The following TEAD1 variants were observed in gnomAD, a reference collection of about 807,000 sequenced individuals.
TEAD1 encodes transcriptional enhancer factor TEF-1.
TEAD1 carries 9 observed loss-of-function variants against 54.9 expected under a neutral mutation model. That is an observed-to-expected ratio of 0.16 (90% CI 0.10 to 0.29). The LOEUF (loss-of-function observed/expected upper bound fraction) is 0.29, where lower values mean the gene tolerates loss of function less well. Among genes scored for constraint, TEAD1 ranks in the 10% least tolerant of loss-of-function variants. The pLI, the probability that TEAD1 is intolerant of heterozygous loss-of-function variation, is 1.00. For synonymous variants in TEAD1, 200 were observed against 187.8 expected (o/e 1.07, Z -0.53); for missense variants, 387 against 535.9 (o/e 0.72, Z 2.74).
chr11:12,720,423 A>G (rs1944168784), intron 2 of TEAD1, among the ~76,000 whole-genome samples: 1 of 152,330 alleles, frequency 6.6e-6, no homozygotes, highest in South Asian at 2.1e-4. Flanking sequence ...TACAATGCTT[A>G]TAGTAACTGC....
chr11:12,735,981 G>C (rs1027311085), intron 2 of TEAD1, among the ~76,000 whole-genome samples: 1 of 152,210 alleles, frequency 6.6e-6, no homozygotes, highest in Non-Finnish European at 1.5e-5. Context: ...TGGTCCGACA[G>C]AACTAGTACA....
rs183001947 is a variant in TEAD1, at chr11:12,807,108, C to T, written c.202+42674C>T. Among the ~76,000 whole-genome samples, 41 of 152,300 alleles carry T rather than the reference C, an allele frequency of 2.7e-4. 1 individual carries two copies. In the East Asian group the frequency reaches 7.1e-3, roughly 26 times the overall value. On this transcript the variant is annotated intron_variant, in intron 3 of 12. Transcript: ENST00000527636. ...GACAAATATCTTACACCAGTTTTCACAATAAAATCCCCAAATGTGAAAGCT... is the reference window on the plus strand; with the variant it reads ...GACAAATATCTTACACCAGTTTTCATAATAAAATCCCCAAATGTGAAAGCT...
chr11:12,791,652 G>T (rs1287369966), intron 3 of TEAD1, among the ~76,000 whole-genome samples: 2 of 152,182 alleles, frequency 1.3e-5, no homozygotes, highest in African/African-American at 4.8e-5. Context: ...GAGAGCATGG[G>T]TATCATGGAG....
chr11:12,777,518 T>G (rs1255290480), intron 3 of TEAD1, among the ~76,000 whole-genome samples: 1 of 152,216 alleles, frequency 6.6e-6, no homozygotes, highest in Non-Finnish European at 1.5e-5. Flanking sequence ...TTATGACAGC[T>G]TTTATTGAGA....
chr11:12,719,595 GC>G (rs1285767840), intron 2 of TEAD1, among the ~76,000 whole-genome samples: 33 of 147,038 alleles, frequency 2.2e-4, no homozygotes, highest in Admixed American at 2.1e-3. Flanking sequence ...GGGGCGGGGG[GC>G]TGTGTCAAAA....
At chr11:12,727,761 C>T (rs557076743) in intron 2 of TEAD1, among the ~76,000 whole-genome samples, 96 of 152,216 alleles carry the variant, frequency 6.3e-4, no homozygotes, top group African/African-American at 2.3e-3. Flanking sequence ...TAAGAAAATT[C>T]CTTTTCTGTT....
intron 3 of TEAD1, among the ~76,000 whole-genome samples, chr11:12,774,713 G>A (rs754762889): frequency 2.0e-5 from 3 of 152,162 alleles, no homozygotes; most frequent in African/African-American, 7.2e-5. Context: ...GAGAGAAAAT[G>A]TAATTATGTA....
intron 9 of TEAD1, among the ~76,000 whole-genome samples, chr11:12,887,401 T>G (rs188720668): frequency 7.9e-5 from 12 of 152,160 alleles, no homozygotes; most frequent in Admixed American, 7.2e-4. Context: ...GGCCGCAGAT[T>G]GTTAATAGGA....
chr11:12,730,181 G>A (rs1944390427), intron 2 of TEAD1, among the ~76,000 whole-genome samples: 1 of 152,170 alleles, frequency 6.6e-6, no homozygotes, highest in African/African-American at 2.4e-5. Flanking sequence ...TCGCTGTTCA[G>A]GGTTATGCAC....
rs145992966 is a variant in TEAD1, at chr11:12,761,738, T to C, written c.-54-2441T>C. On this transcript the variant is annotated intron_variant, in intron 2 of 12. Transcript: ENST00000527636. ...AATGGGTATCTTAGGAGAGATTTGC[T>C]CCCCTGAAGGATGGGGTATACTCTC... 4.7e-4 allele frequency among the ~76,000 whole-genome samples: 71 copies of C among 152,216 alleles called. 2 individuals carry two copies. Among genetic ancestry groups the C allele is most frequent in the African/African-American group, 1.6e-3 (68 of 41,536 alleles).
intron 2 of TEAD1, among the ~76,000 whole-genome samples, chr11:12,687,040 T>C (rs970424936): frequency 6.6e-6 from 1 of 152,218 alleles, no homozygotes; most frequent in Admixed American, 6.5e-5. Context: ...GTGCTGGGTC[T>C]TGGTCTCTCC....
chr11:12,916,226 G>A (rs1488427679), intron 10 of TEAD1, among the ~76,000 whole-genome samples: 1 of 152,036 alleles, frequency 6.6e-6, no homozygotes, highest in Non-Finnish European at 1.5e-5. Context: ...TGTTTGAGCT[G>A]TTATACTCAA....
At chr11:12,742,910 A>T (rs1944674725) in intron 2 of TEAD1, among the ~76,000 whole-genome samples, 1 of 152,182 alleles carries the variant, frequency 6.6e-6, no homozygotes, top group African/African-American at 2.4e-5. Context: ...GTGGCCTGGA[A>T]TTTGGAGTAT....
At chr11:12,821,790 G>T (rs1946550639) in intron 3 of TEAD1, among the ~76,000 whole-genome samples, 1 of 151,902 alleles carries the variant, frequency 6.6e-6, no homozygotes, top group South Asian at 2.1e-4. Context: ...GCATTGATAT[G>T]AATGCTTTTA....
At chr11:12,901,669 C>T (rs1010014441) in intron 9 of TEAD1, among the ~76,000 whole-genome samples, 28 of 152,156 alleles carry the variant, frequency 1.8e-4, no homozygotes, top group Admixed American at 1.3e-3. Context: ...AGCTGGGTAA[C>T]TTAAGCTGTT....
intron 2 of TEAD1, among the ~76,000 whole-genome samples, chr11:12,710,640 T>G (rs75541717): frequency 0.012 from 1,778 of 152,248 alleles, 16 homozygotes; most frequent in Middle Eastern, 0.017. Context: ...GACACTGTTG[T>G]AGGCACTGGG....
chr11:12,705,776 T>C (rs191186482), intron 2 of TEAD1, among the ~76,000 whole-genome samples: 180 of 152,350 alleles, frequency 1.2e-3, no homozygotes, highest in Admixed American at 1.7e-3. Context: ...CTTTTTACTT[T>C]TATGAGTTAT....
chr11:12,770,203 G>A (rs780517978), intron 3 of TEAD1, among the ~76,000 whole-genome samples: 1 of 152,170 alleles, frequency 6.6e-6, no homozygotes, highest in Non-Finnish European at 1.5e-5. Context: ...CAGGGCCAGC[G>A]TCATCAGCAT....
At chr11:12,890,901 A>T (rs565334351) in intron 9 of TEAD1, among the ~76,000 whole-genome samples, 6 of 152,206 alleles carry the variant, frequency 3.9e-5, no homozygotes, top group African/African-American at 1.4e-4. Flanking sequence ...CATAGCTGGG[A>T]TTACAGGCAT....
Sources: gnomAD v4.1 joint callset for allele counts (sites outside exome capture counted in the v4.1 genomes callset) on GRCh38, gnomAD v4.1.1 for gene constraint, MANE v1.5 for transcripts, NCBI Gene and HGNC (gene_info 2026-07-23, HGNC 2026-07-21) for gene names.